The following PPM1H variants were observed in gnomAD, a reference collection of about 807,000 sequenced individuals.
The protein encoded by PPM1H is protein phosphatase, Mg2+/Mn2+ dependent 1H, also known as protein phosphatase 1H.
PPM1H carries 27 observed loss-of-function variants against 54.9 expected under a neutral mutation model. The observed-to-expected ratio is 0.49, with a 90% CI of 0.36 to 0.68. PPM1H has a LOEUF of 0.68. Ranked by LOEUF, PPM1H falls within the 30% of genes least tolerant of loss-of-function variation. The pLI is 0.00. For missense variants in PPM1H, 596 were observed against 667.8 expected, an observed-to-expected ratio of 0.89 and a Z score of 1.19; for synonymous variants, 305 against 270.8, an observed-to-expected ratio of 1.13 and a Z score of -1.24.
At chr12:62,748,416 TA>T (rs1269223131) in intron 4 of PPM1H, among the ~76,000 whole-genome samples, 2 of 152,064 alleles carry the variant, frequency 1.3e-5, no homozygotes, top group African/African-American at 4.8e-5. Flanking sequence ...GGCTCTAGTT[TA>T]AAAAAGTCCT....
intron 6 of PPM1H, among the ~76,000 whole-genome samples, chr12:62,694,445 GA>G (rs1474883833): frequency 6.6e-6 from 1 of 152,206 alleles, no homozygotes; most frequent in Non-Finnish European, 1.5e-5. Context: ...GGCTAGGGAA[GA>G]AATCTTTCGA....
chr12:62,707,409 G>T (rs1400804053), intron 6 of PPM1H, among the ~76,000 whole-genome samples: 1 of 152,106 alleles, frequency 6.6e-6, no homozygotes, highest in Non-Finnish European at 1.5e-5. Flanking sequence ...GATAACCAGG[G>T]GCAAAGACCA....
intron 9 of PPM1H, among the ~76,000 whole-genome samples, chr12:62,661,267 C>G (rs545920746): frequency 6.6e-6 from 1 of 152,308 alleles, no homozygotes; most frequent in Admixed American, 6.5e-5. Context: ...GAGGGCAGAG[C>G]TGAGGTGTGT....
chr12:62,682,520 G>A (rs890247029), intron 8 of PPM1H, among the ~76,000 whole-genome samples: 1 of 152,172 alleles, frequency 6.6e-6, no homozygotes, highest in Admixed American at 6.5e-5. Flanking sequence ...GGAATTCTAA[G>A]AGACAAGGTC....
At chr12:62,734,313 C>T (rs2076339378) in intron 5 of PPM1H, among the ~76,000 whole-genome samples, 1 of 152,086 alleles carries the variant, frequency 6.6e-6, no homozygotes, top group African/African-American at 2.4e-5. Flanking sequence ...TTTGCTACAG[C>T]AGCCCAAACA....
chr12:62,874,664 A>G (rs951888679), intron 1 of PPM1H, among the ~76,000 whole-genome samples: 1 of 152,238 alleles, frequency 6.6e-6, no homozygotes, highest in Admixed American at 6.5e-5. Context: ...TCCTAAGGTC[A>G]GAGATTTTTC....
intron 1 of PPM1H, among the ~76,000 whole-genome samples, chr12:62,928,512 A>C (rs1409729010): frequency 6.6e-6 from 1 of 152,166 alleles, no homozygotes; most frequent in Non-Finnish European, 1.5e-5. Flanking sequence ...ATCACAGTTA[A>C]ATAACTGCAG....
Position 62,801,894 on chromosome 12 carries a change from G to T in PPM1H, c.678C>A (p.Pro226=), listed in dbSNP as rs375621486. The change falls in exon 3 of 10, where the codon CCC becomes CCA. Residue 226 remains proline (P), a synonymous_variant. Transcript: ENST00000228705. ...VGAPGSPSTP[P]TRFFTEKKIP... Reference sequence around the variant, plus strand: ...TCTTCTTCTCGGTAAAGAAGCGTGTGGGGGGCGTGCTGGGGGAGCCCGGGG... The same window carrying T: ...TCTTCTTCTCGGTAAAGAAGCGTGTTGGGGGCGTGCTGGGGGAGCCCGGGG... The T allele has an allele frequency of 8.7e-6, 14 of 1,613,666 alleles. No homozygotes were observed. The highest frequency in any genetic ancestry group is 6.7e-5 in the Admixed American group (4 of 59,998).
chr12:62,723,929 T>C (rs1450334702), intron 5 of PPM1H, among the ~76,000 whole-genome samples: 1 of 152,022 alleles, frequency 6.6e-6, no homozygotes, highest in East Asian at 1.9e-4. Flanking sequence ...CCATAGAAAC[T>C]AGGAAGAATT....
chr12:62,929,653 A>C (rs956856534), intron 1 of PPM1H, among the ~76,000 whole-genome samples: 2 of 152,208 alleles, frequency 1.3e-5, no homozygotes, highest in African/African-American at 4.8e-5. Context: ...AAGCATCACC[A>C]GTCCTTGAAA....
chr12:62,688,940 T>G (rs969293872), intron 8 of PPM1H, among the ~76,000 whole-genome samples: 16 of 152,096 alleles, frequency 1.1e-4, no homozygotes, highest in African/African-American at 3.9e-4. Context: ...AAGTTGCAGT[T>G]AGCCGATATC....
chr12:62,659,435 C>T (rs1028378270), intron 9 of PPM1H, among the ~76,000 whole-genome samples: 5 of 152,048 alleles, frequency 3.3e-5, no homozygotes, highest in Admixed American at 6.5e-5. Context: ...ATTTTTACTC[C>T]CATCTCTGCC....
intron 6 of PPM1H, among the ~76,000 whole-genome samples, chr12:62,700,493 C>T (rs1461340827): frequency 6.6e-6 from 1 of 152,210 alleles, no homozygotes; most frequent in Non-Finnish European, 1.5e-5. Flanking sequence ...TCCAGTAACA[C>T]AACAAGGATT....
chr12:62,706,213 C>T (rs2076173544), intron 6 of PPM1H, among the ~76,000 whole-genome samples: 1 of 152,222 alleles, frequency 6.6e-6, no homozygotes, highest in African/African-American at 2.4e-5. Context: ...CACAAGCCTA[C>T]AAATGAAGTC....
rs1184253268 is a variant in PPM1H, at chr12:62,683,030, TTATTTATTATTA to T, written c.1245+6657_1245+6668del. On this transcript the variant is annotated intron_variant, in intron 8 of 9. Coordinates refer to ENST00000228705, the MANE Select transcript of PPM1H (RefSeq NM_020700.2). ...TAGATACTACATTTGGGAGAGTTTA[TTATTTATTATTA>T]TTATTATTATTATTATTATTATTAT... is the stretch of plus-strand genomic sequence containing the variant. 7.9e-5 allele frequency among the ~76,000 whole-genome samples: 10 copies of T among 126,638 alleles called. No individual in the cohort carries two copies. In the East Asian group the frequency reaches 1.3e-3, roughly 16 times the overall value. 83.1% of individuals were successfully genotyped at this position (126,638 alleles called of 152,430 possible). A position where few individuals can be genotyped will look rare whatever the true frequency, so the allele number is the denominator to read the frequency against.
intron 5 of PPM1H, among the ~76,000 whole-genome samples, chr12:62,733,811 G>A (rs888332540): frequency 3.9e-5 from 6 of 152,128 alleles, no homozygotes; most frequent in Admixed American, 1.3e-4. Context: ...CATTAGGTTC[G>A]GTTCTGTGGA....
intron 1 of PPM1H, among the ~76,000 whole-genome samples, chr12:62,833,876 T>TTCTC: frequency 6.6e-6 from 1 of 152,236 alleles, no homozygotes; most frequent in East Asian, 1.9e-4. Context: ...CCATCTATCT[T>TTCTC]TTCAATTGAC....
At chr12:62,663,275 T>G (rs573957356) in intron 9 of PPM1H, among the ~76,000 whole-genome samples, 1 of 152,086 alleles carries the variant, frequency 6.6e-6, no homozygotes, top group Non-Finnish European at 1.5e-5. Context: ...ACACAAATGG[T>G]TGGTCCTACC....
At chr12:62,889,566 A>G (rs1306024134) in intron 1 of PPM1H, among the ~76,000 whole-genome samples, 3 of 152,178 alleles carry the variant, frequency 2.0e-5, no homozygotes, top group Non-Finnish European at 2.9e-5. Flanking sequence ...GTGTTGGCAA[A>G]TGAACAAATA....
Sources: gnomAD v4.1 joint callset for allele counts (sites outside exome capture counted in the v4.1 genomes callset) on GRCh38, gnomAD v4.1.1 for gene constraint, MANE v1.5 for transcripts, NCBI Gene and HGNC (gene_info 2026-07-23, HGNC 2026-07-21) for gene names.